Variants in IL31RA observed in about 807,000 individuals in gnomAD.
IL31RA encodes the protein interleukin 31 receptor A.
IL31RA carries 66 observed loss-of-function variants against 83.7 expected under a neutral mutation model. The ratio of observed to expected loss-of-function variants is 0.79; its 90% CI spans 0.65 to 0.97. IL31RA has a LOEUF of 0.97. IL31RA is among the 50% of genes least tolerant of loss of function. The pLI is 0.00. For missense variants in IL31RA, 798 were observed against 919.4 expected, an observed-to-expected ratio of 0.87 and a Z score of 1.71; for synonymous variants, 325 against 329.0, an observed-to-expected ratio of 0.99 and a Z score of 0.13.
chr5:55,860,334 A>C (rs1479990293), intron 2 of IL31RA, among the ~76,000 whole-genome samples: 2 of 150,700 alleles, frequency 1.3e-5, no homozygotes, highest in African/African-American at 4.9e-5. Flanking sequence ...GTGCCACGGC[A>C]CTCCAGCCTG....
At chr5:55,908,943 G>A (rs1251368867) in intron 11 of IL31RA, 8 of 1,048,644 alleles carry the variant, frequency 7.6e-6, no homozygotes, top group Non-Finnish European at 8.3e-6. Flanking sequence ...CAATTTAGTG[G>A]CATTAGAAGC....
Position 55,921,267 on chromosome 5 carries a change from T to G in IL31RA, c.*4147T>G. 6.6e-6 allele frequency among the ~76,000 whole-genome samples: 1 copy of G among 152,252 alleles called. No homozygotes were observed. Among genetic ancestry groups the G allele is most frequent in the African/African-American group, 2.4e-5 (1 of 41,468 alleles). ...ACTCCTAACATGATCTGTGTGCACC[T>G]GTACACATTTTTCAGCTAATTGCAA... On this transcript the variant is annotated 3_prime_UTR_variant, in exon 15 of 15. Coordinates refer to ENST00000652347, the MANE Select transcript of IL31RA (RefSeq NM_139017.7).
intron 4 of IL31RA, among the ~76,000 whole-genome samples, chr5:55,874,472 A>G (rs1746713688): frequency 6.6e-6 from 1 of 152,098 alleles, no homozygotes; most frequent in Non-Finnish European, 1.5e-5. Context: ...GGATATTGTC[A>G]TCTTCATAAT....
At chr5:55,883,260 A>C (rs944116809) in intron 5 of IL31RA, 65 bp downstream of exon 5, 19 of 1,318,102 alleles carry the variant, frequency 1.4e-5, no homozygotes, top group Non-Finnish European at 2.0e-5. Flanking sequence ...ATTGACAACT[A>C]TTGTTGACCT....
At chr5:55,883,732 T>C (rs1010728329) in intron 5 of IL31RA, among the ~76,000 whole-genome samples, 13 of 152,168 alleles carry the variant, frequency 8.5e-5, no homozygotes, top group African/African-American at 2.9e-4. Context: ...GTAATCTTCT[T>C]TGCTTTCATT....
At chr5:55,852,923 ATAAT>A (rs1249753100) in intron 1 of IL31RA, among the ~76,000 whole-genome samples, 2 of 152,240 alleles carry the variant, frequency 1.3e-5, no homozygotes, top group African/African-American at 4.8e-5. Context: ...ATTAAAAGAG[ATAAT>A]TAATGTGAAG....
chr5:55,879,425 C>CTTTTTTTTTTTCTTTT (rs1747057608), intron 4 of IL31RA, among the ~76,000 whole-genome samples: 1 of 45,800 alleles, frequency 2.2e-5, no homozygotes, highest in Non-Finnish European at 3.6e-5. Context: ...AGTTTCTGTC[C>CTTTTTTTTTTTCTTTT]TTTTTTTTTT....
chr5:55,881,623 C>T (rs1580692904), intron 4 of IL31RA, among the ~76,000 whole-genome samples: 1 of 151,442 alleles, frequency 6.6e-6, no homozygotes, highest in Non-Finnish European at 1.5e-5. Flanking sequence ...TTCCCTTTTC[C>T]ATTGGAATGC....
rs1215238587 is a variant in IL31RA, at chr5:55,890,107, A to G, written c.744A>G (p.Gln248=). ...CAAAGTTCTGGAGTGACTGGAGCCA[A>G]GAAAAAATGGGAATGACTGAGGAAG... ...KESKFWSDWS[Q]EKMGMTEEEA... is the part of the protein sequence containing the mutation. The change falls in exon 6 of 15, where the codon CAA becomes CAG. Residue 248 remains glutamine, a synonymous_variant. Transcript: ENST00000652347. 4 of 1,613,826 alleles carry G rather than the reference A, an allele frequency of 2.5e-6. No homozygotes were observed. Among genetic ancestry groups the G allele is most frequent in the African/African-American group, 1.3e-5 (1 of 74,920 alleles).
chr5:55,875,647 A>G (rs1746804148), intron 4 of IL31RA, among the ~76,000 whole-genome samples: 1 of 152,188 alleles, frequency 6.6e-6, no homozygotes, highest in Non-Finnish European at 1.5e-5. Flanking sequence ...AAAAACCTTC[A>G]TTATTACTAT....
intron 8 of IL31RA, chr5:55,902,472 A>G (rs913930308): frequency 6.6e-6 from 1 of 151,450 alleles, no homozygotes; most frequent in Non-Finnish European, 1.5e-5. Flanking sequence ...AAAAAAAAAA[A>G]AAAAAAATAC....
chr5:55,843,605 T>C, the IL31RA span, among the ~76,000 whole-genome samples: 1 of 152,224 alleles, frequency 6.6e-6, no homozygotes, highest in African/African-American at 2.4e-5. Flanking sequence ...CTATTTCCCA[T>C]TGTAGTTCTG....
In IL31RA at chr5:55,921,304, T is replaced by C. The variant is rs80155281; in HGVS notation, c.*4184T>C. On this transcript the variant is annotated 3_prime_UTR_variant, in exon 15 of 15. Transcript: ENST00000652347. ...TCAGCTAATTGCAAATCATACTGAA[T>C]ACATTATGTTCTCCCATATATAAAA... Among the ~76,000 whole-genome samples, 271 of 152,354 alleles carry C rather than the reference T, an allele frequency of 1.8e-3. No homozygotes were observed. The highest frequency in any genetic ancestry group is 6.4e-3 in the African/African-American group (265 of 41,576).
At position 55,899,972 on chromosome 5, in the gene IL31RA, T is replaced by C. The variant is rs1748709921; in HGVS notation, c.909T>C (p.Tyr303=). The C allele has an allele frequency of 1.9e-6, 3 of 1,614,062 alleles. No individual in the cohort carries two copies. The highest frequency in any genetic ancestry group is 2.5e-6 in the Non-Finnish European group (3 of 1,180,040). ...CACTTGGCTACAACATATGGTACTA[T>C]CCAGAAAGCAACACTAACCTCACAG... ...EKTLGYNIWY[Y]PESNTNLTET... is the part of the protein sequence containing the mutation. The change falls in exon 8 of 15, where the codon TAT becomes TAC. Residue 303 remains tyrosine, a synonymous_variant. Transcript: ENST00000652347.
chr5:55,920,669 G>A lies in IL31RA; in HGVS notation c.*3549G>A, dbSNP rs1750048627. Among the ~76,000 whole-genome samples, 1 of 152,224 alleles carries A rather than the reference G, an allele frequency of 6.6e-6. No homozygotes were observed. Among genetic ancestry groups the A allele is most frequent in the African/African-American group, 2.4e-5 (1 of 41,460 alleles). Reference sequence around the variant, plus strand: ...AACCCACAGACATGAAACTCAGACTGCCACTATGTTTCAACTTTGAATTAG... The same window carrying A: ...AACCCACAGACATGAAACTCAGACTACCACTATGTTTCAACTTTGAATTAG... On this transcript the variant is annotated 3_prime_UTR_variant, in exon 15 of 15. Transcript: ENST00000652347.
intron 11 of IL31RA, chr5:55,908,805 T>C: frequency 7.1e-7 from 1 of 1,404,890 alleles, no homozygotes; most frequent in Non-Finnish European, 9.2e-7. Flanking sequence ...CTTTTGTTTT[T>C]CAGTCCACCT....
chr5:55,903,929 T>C lies in IL31RA; in HGVS notation c.1070-2177T>C, dbSNP rs1421649383. Among the ~76,000 whole-genome samples the C allele has an allele frequency of 6.6e-6, 1 of 152,110 alleles. No individual in the cohort carries two copies. The highest frequency in any genetic ancestry group is 1.9e-4 in the East Asian group (1 of 5,190). On this transcript the variant is annotated intron_variant, in intron 8 of 14. Transcript: ENST00000652347. This position sits in a 1 kb window ranked among gnomAD's most constrained non-coding sequence, Gnocchi z 4.7. The stretch of plus-strand genomic sequence containing the variant: ...TGCTGGTTGGCCATGCTCCCTAAAG[T>C]CTCTAGGGGAGAATCCTTCCTTACC...
chr5:55,915,005 C>A, intron 14 of IL31RA, 77 bp downstream of exon 14: 2 of 1,088,572 alleles, frequency 1.8e-6, no homozygotes, highest in Non-Finnish European at 2.8e-6. Context: ...GGAAAGAGTC[C>A]TAGGCTGAGC....
chr5:55,866,323 C>T (rs1241761057), intron 2 of IL31RA, among the ~76,000 whole-genome samples: 4 of 151,974 alleles, frequency 2.6e-5, no homozygotes, highest in African/African-American at 9.7e-5. Context: ...CTTTTTGGCA[C>T]CAGGGACCGG....
Sources: gnomAD v4.1 joint callset for allele counts (sites outside exome capture counted in the v4.1 genomes callset) on GRCh38, gnomAD v4.1.1 for gene constraint, Gnocchi (gnomAD v3.1) non-coding constraint, MANE v1.5 for transcripts, NCBI Gene and HGNC (gene_info 2026-07-23, HGNC 2026-07-21) for gene names.